Variants in GPRASP3 observed in about 807,000 individuals in gnomAD.
GPRASP3 encodes G protein-coupled receptor associated sorting protein family member 3.
At chrX:102,750,054 T>G in the GPRASP3 span, 1 of 1,202,107 alleles carries the variant, frequency 8.3e-7, no homozygotes, top group Non-Finnish European at 1.1e-6. Context: ...TCCATAATGT[T>G]CACCCATTTG....
chrX:102,727,743 GA>G, the GPRASP3 span, among the ~76,000 whole-genome samples: 4 of 112,106 alleles, frequency 3.6e-5, no homozygotes, highest in Admixed American at 9.5e-5. Context: ...TCCATAATAG[GA>G]ATAGATCAGA....
the GPRASP3 span, among the ~76,000 whole-genome samples, chrX:102,728,569 CTTTTT>C: frequency 2.2e-3 from 133 of 61,784 alleles, 2 homozygotes; most frequent in African/African-American, 8.8e-3. Flanking sequence ...ATGTGCACTG[CTTTTT>C]TTTTTTTTTT....
chrX:102,744,149 C>T, the GPRASP3 span, among the ~76,000 whole-genome samples: 1 of 111,926 alleles, frequency 8.9e-6, no homozygotes, highest in Admixed American at 9.5e-5. Flanking sequence ...TTAAGGGCAG[C>T]TTGAAGGCCA....
chrX:102,730,121 T>G, the GPRASP3 span, among the ~76,000 whole-genome samples: 153 of 112,217 alleles, frequency 1.4e-3, no homozygotes, highest in Non-Finnish European at 2.4e-3. Flanking sequence ...GCCCGGAGAT[T>G]GTTTTTGTAA....
At chrX:102,728,846 A>C in the GPRASP3 span, among the ~76,000 whole-genome samples, 4 of 111,406 alleles carry the variant, frequency 3.6e-5, no homozygotes, top group African/African-American at 1.3e-4. Context: ...TTACAACCAG[A>C]AAAAAATCTG....
At chrX:102,748,374 G>A in the GPRASP3 span, among the ~76,000 whole-genome samples, 1 of 111,377 alleles carries the variant, frequency 9.0e-6, no homozygotes, top group African/African-American at 3.3e-5. Context: ...ATACACCTAT[G>A]AGGTCTAGTG....
chrX:102,750,196 A>G, the GPRASP3 span: 2 of 1,203,290 alleles, frequency 1.7e-6, no homozygotes, highest in African/African-American at 3.5e-5. Flanking sequence ...ACAACGCAAA[A>G]TTGAATTACA....
the GPRASP3 span, among the ~76,000 whole-genome samples, chrX:102,729,863 G>C: frequency 9.0e-6 from 1 of 111,521 alleles, no homozygotes; most frequent in Non-Finnish European, 1.9e-5. Flanking sequence ...TGCCTTTGAT[G>C]GGATTATCAG....
the GPRASP3 span, chrX:102,749,266 A>G: frequency 5.8e-6 from 7 of 1,211,376 alleles, no homozygotes; most frequent in Non-Finnish European, 7.8e-6. Context: ...TTTCACTCCC[A>G]AGGCTGGGAA....
the GPRASP3 span, among the ~76,000 whole-genome samples, chrX:102,741,475 G>T: frequency 3.6e-5 from 4 of 111,965 alleles, no homozygotes; most frequent in African/African-American, 1.3e-4. Context: ...CTGCTATTTT[G>T]TCTCTTAATG....
chrX:102,744,824 T>C, the GPRASP3 span, among the ~76,000 whole-genome samples: 1 of 110,967 alleles, frequency 9.0e-6, no homozygotes, highest in Non-Finnish European at 1.9e-5. Context: ...GAGGGTACCA[T>C]GGAATTGTCA....
the GPRASP3 span, among the ~76,000 whole-genome samples, chrX:102,742,779 A>C: frequency 9.0e-6 from 1 of 111,693 alleles, no homozygotes; most frequent in Non-Finnish European, 1.9e-5. Context: ...TGAACCCCAA[A>C]TATCTGAGAC....
chrX:102,746,368 G>T, the GPRASP3 span, among the ~76,000 whole-genome samples: 7 of 112,817 alleles, frequency 6.2e-5, no homozygotes, highest in African/African-American at 9.6e-5. Flanking sequence ...GCCAAGGGCT[G>T]AGGGGCTGGC....
At chrX:102,730,619 T>G in the GPRASP3 span, among the ~76,000 whole-genome samples, 1 of 111,912 alleles carries the variant, frequency 8.9e-6, no homozygotes, top group African/African-American at 3.3e-5. Flanking sequence ...CTTCAATATT[T>G]AAATGGAAAC....
chrX:102,738,748 G>A, the GPRASP3 span, among the ~76,000 whole-genome samples: 2 of 111,457 alleles, frequency 1.8e-5, no homozygotes, highest in Non-Finnish European at 3.8e-5. Flanking sequence ...CTGTCCTATG[G>A]GTCTCTTATG....
chrX:102,749,615 A>G, the GPRASP3 span: 1 of 1,211,579 alleles, frequency 8.3e-7, no homozygotes, highest in Admixed American at 2.2e-5. Flanking sequence ...GAAATTAATG[A>G]AAAAAATAGG....
the GPRASP3 span, chrX:102,749,479 A>G: frequency 2.5e-6 from 3 of 1,210,249 alleles, no homozygotes; most frequent in Non-Finnish European, 3.4e-6. Flanking sequence ...TTGCAAACCT[A>G]GGTCAGGGGC....
chrX:102,733,205 C>T, the GPRASP3 span, among the ~76,000 whole-genome samples: 167 of 112,185 alleles, frequency 1.5e-3, 5 homozygotes, highest in East Asian at 0.042. Context: ...CCTGTAATCC[C>T]GGCACTTTGG....
At chrX:102,745,828 C>T in the GPRASP3 span, among the ~76,000 whole-genome samples, 3 of 110,965 alleles carry the variant, frequency 2.7e-5, no homozygotes, top group African/African-American at 9.8e-5. Context: ...CGTTAGGGTC[C>T]GCGGGGGTCC....
Sources: allele counts gnomAD v4.1 joint callset (sites outside exome capture counted in the v4.1 genomes callset), GRCh38; gene constraint gnomAD v4.1.1; transcripts MANE v1.5; gene names NCBI Gene and HGNC (gene_info 2026-07-23, HGNC 2026-07-21).